The following SYT16 variants were observed in gnomAD, a reference collection of about 807,000 sequenced individuals.
The protein encoded by SYT16 is synaptotagmin-16.
A neutral mutation model predicts 61.4 loss-of-function variants in SYT16; 42 were observed. The ratio of observed to expected loss-of-function variants is 0.68; its 90% CI spans 0.53 to 0.89. The LOEUF (loss-of-function observed/expected upper bound fraction) is 0.89. SYT16 is among the 40% of genes least tolerant of loss of function. The pLI is 0.00. For missense variants in SYT16, 804 were observed against 807.3 expected (o/e 1.00, Z 0.05); for synonymous variants, 314 against 302.3 (o/e 1.04, Z -0.40).
At chr14:61,991,005 TAGCCTTTA>T in intron 2 of SYT16, among the ~76,000 whole-genome samples, 1 of 152,314 alleles carries the variant, frequency 6.6e-6, no homozygotes, top group South Asian at 2.1e-4. Flanking sequence ...TTTAAAAAAG[TAGCCTTTA>T]AGAATATATT....
intron 1 of SYT16, among the ~76,000 whole-genome samples, chr14:61,903,073 G>A (rs2048578901): frequency 6.6e-6 from 1 of 152,142 alleles, no homozygotes; most frequent in Non-Finnish European, 1.5e-5. Flanking sequence ...ATCTGCTTTT[G>A]TAGTCCTATA....
chr14:61,964,402 A>T (rs1283426355), intron 1 of SYT16, among the ~76,000 whole-genome samples: 1 of 152,188 alleles, frequency 6.6e-6, no homozygotes, highest in Admixed American at 6.5e-5. Flanking sequence ...CAGTGGAAGA[A>T]GTAACTGCAA....
At chr14:61,908,901 C>T (rs1401733435) in intron 1 of SYT16, among the ~76,000 whole-genome samples, 1 of 152,152 alleles carries the variant, frequency 6.6e-6, no homozygotes, top group Non-Finnish European at 1.5e-5. Context: ...TGGTTCACTG[C>T]AGCCTTGAAC....
chr14:62,027,618 A>G (rs568059449), intron 3 of SYT16, among the ~76,000 whole-genome samples: 1 of 152,172 alleles, frequency 6.6e-6, no homozygotes, highest in Admixed American at 6.5e-5. Flanking sequence ...TACATGCACC[A>G]CAGTAATACT....
At chr14:62,093,065 A>AG (rs998390381) in intron 7 of SYT16, among the ~76,000 whole-genome samples, 1 of 152,062 alleles carries the variant, frequency 6.6e-6, no homozygotes, top group Non-Finnish European at 1.5e-5. Context: ...TGTATGTGGG[A>AG]GCAGGGAGTT....
At chr14:62,054,360 G>GTTGTTTTTGTTTTT (rs1411904235) in intron 3 of SYT16, among the ~76,000 whole-genome samples, 1 of 118,298 alleles carries the variant, frequency 8.5e-6, no homozygotes, top group African/African-American at 3.4e-5. Flanking sequence ...AGTGAAGTGA[G>GTTGTTTTTGTTTTT]TTTTTTTTTT....
At chr14:61,972,415 ATAAC>A (rs1270959755) in intron 2 of SYT16, among the ~76,000 whole-genome samples, 1 of 152,234 alleles carries the variant, frequency 6.6e-6, no homozygotes, top group Non-Finnish European at 1.5e-5. Context: ...TGTTGAAACA[ATAAC>A]AATAAAGCAT....
chr14:62,054,447 A>G (rs1225906848), intron 3 of SYT16, among the ~76,000 whole-genome samples: 3 of 150,622 alleles, frequency 2.0e-5, no homozygotes, highest in African/African-American at 4.9e-5. Flanking sequence ...TGCAGCCTCA[A>G]TCTCCCAGGC....
chr14:61,995,397 C>T (rs978193079), intron 2 of SYT16, among the ~76,000 whole-genome samples: 10 of 152,052 alleles, frequency 6.6e-5, no homozygotes, highest in Admixed American at 6.6e-4. Context: ...AATATAAAAT[C>T]CTATTTTAAG....
chr14:61,886,795 A>G lies in SYT16; in HGVS notation c.-325+73985A>G, dbSNP rs996503651. On this transcript the variant is annotated intron_variant, in intron 1 of 7. Coordinates refer to ENST00000683842, the MANE Select transcript of SYT16 (RefSeq NM_001367656.1). ...AAATGTTCTTAATGACATTTAGTGA[A>G]TCCTTTCCAGAAGGTTTTAATATGG... Among the ~76,000 whole-genome samples the G allele has an allele frequency of 1.3e-5, 2 of 152,022 alleles. 1 individual carries two copies. Among genetic ancestry groups the G allele is most frequent in the East Asian group, 3.8e-4 (2 of 5,200 alleles).
chr14:61,959,209 G>T (rs2051011296), intron 1 of SYT16, among the ~76,000 whole-genome samples: 1 of 152,034 alleles, frequency 6.6e-6, no homozygotes, highest in African/African-American at 2.4e-5. Flanking sequence ...AATCTATTCA[G>T]CCATTATATG....
At chr14:61,841,228 ATTC>A (rs1309810213) in intron 1 of SYT16, among the ~76,000 whole-genome samples, 1 of 152,216 alleles carries the variant, frequency 6.6e-6, no homozygotes, top group Non-Finnish European at 1.5e-5. Flanking sequence ...GAGCCATATT[ATTC>A]AAGTTCAAAA....
At position 62,020,249 on chromosome 14, in the gene SYT16, T is replaced by A. The variant is rs116871261; in HGVS notation, c.523+23707T>A. Among the ~76,000 whole-genome samples the A allele has an allele frequency of 6.2e-3, 950 of 152,308 alleles. 10 individuals carry two copies. The highest frequency in any genetic ancestry group is 7.8e-3 in the Non-Finnish European group (531 of 68,024). On this transcript the variant is annotated intron_variant, in intron 3 of 7. Transcript: ENST00000683842. ...AAAAGCCTCAATTATTTCATTTTCT[T>A]AAAGAATTTTTTCACCTCAATAGTA... is the stretch of plus-strand genomic sequence containing the variant.
chr14:61,839,282 T>C (rs2046229521), intron 1 of SYT16, among the ~76,000 whole-genome samples: 1 of 152,250 alleles, frequency 6.6e-6, no homozygotes, highest in South Asian at 2.1e-4. Flanking sequence ...AGTGGATTCA[T>C]GCTCTGCTGT....
chr14:62,062,587 G>A (rs2055872515), intron 3 of SYT16, among the ~76,000 whole-genome samples: 1 of 152,134 alleles, frequency 6.6e-6, no homozygotes. Flanking sequence ...TTCCTAACTT[G>A]TTTGAGTCCG....
rs988658099 is a variant in SYT16, at chr14:62,105,356, G to A, written c.*4649G>A. 2 of 152,132 alleles carry A rather than the reference G, an allele frequency of 1.3e-5. No homozygotes were observed. Among genetic ancestry groups the A allele is most frequent in the Non-Finnish European group, 2.9e-5 (2 of 68,018 alleles). 9.4% of individuals were successfully genotyped at this position (152,132 alleles called of 1,614,324 possible). Reference sequence around the variant, plus strand: ...CATATTTCAACTGTGATCCAAAAAAGTAAAATAAATGATGTGATACTATAC... The same window carrying A: ...CATATTTCAACTGTGATCCAAAAAAATAAAATAAATGATGTGATACTATAC... On this transcript the variant is annotated 3_prime_UTR_variant, in exon 8 of 8. Transcript: ENST00000683842.
chr14:61,812,508 G>C (rs2045299146), upstream of SYT16: 1 of 151,666 alleles, frequency 6.6e-6, no homozygotes, highest in South Asian at 2.1e-4. Context: ...GAGGGGAGGG[G>C]GACGGACGCG....
chr14:61,913,489 A>G (rs1340012229), intron 1 of SYT16, among the ~76,000 whole-genome samples: 2 of 152,168 alleles, frequency 1.3e-5, no homozygotes, highest in Admixed American at 6.5e-5. Context: ...CATGTAAGAC[A>G]TGAGGAGTAA....
At chr14:61,856,792 A>C (rs2046788622) in intron 1 of SYT16, among the ~76,000 whole-genome samples, 1 of 152,246 alleles carries the variant, frequency 6.6e-6, no homozygotes, top group African/African-American at 2.4e-5. Context: ...ATGATTTGAC[A>C]TCACCAATGG....
Sources: allele counts gnomAD v4.1 joint callset (sites outside exome capture counted in the v4.1 genomes callset), GRCh38; gene constraint gnomAD v4.1.1; transcripts MANE v1.5; gene names NCBI Gene and HGNC (gene_info 2026-07-23, HGNC 2026-07-21).